The following PTP4A2 variants were observed in gnomAD, a reference collection of about 807,000 sequenced individuals.
PTP4A2 encodes protein tyrosine phosphatase 4A2.
A neutral mutation model predicts 22.9 loss-of-function variants in PTP4A2; 2 were observed. The ratio of observed to expected loss-of-function variants is 0.09; its 90% CI spans 0.04 to 0.27. The LOEUF (loss-of-function observed/expected upper bound fraction) is 0.27, where lower values mean the gene tolerates loss of function less well. Ranked by LOEUF, PTP4A2 falls within the 10% of genes least tolerant of loss-of-function variation. The pLI, the probability that PTP4A2 is intolerant of heterozygous loss-of-function variation, is 1.00. For missense variants in PTP4A2, 103 were observed against 205.1 expected, an observed-to-expected ratio of 0.50 and a Z score of 3.04; for synonymous variants, 68 against 69.1, an observed-to-expected ratio of 0.98 and a Z score of 0.08.
At chr1:31,927,716 T>A (rs557027031) in intron 1 of PTP4A2, among the ~76,000 whole-genome samples, 1 of 152,170 alleles carries the variant, frequency 6.6e-6, no homozygotes, top group African/African-American at 2.4e-5. Flanking sequence ...GTGGGATTTG[T>A]CCACAGACTG....
chr1:31,934,956 A>G (rs749732866), intron 1 of PTP4A2, among the ~76,000 whole-genome samples: 6 of 152,214 alleles, frequency 3.9e-5, no homozygotes, highest in Non-Finnish European at 5.9e-5. Context: ...GGTGTTCTAA[A>G]ATGCCAGCCT....
intron 1 of PTP4A2, among the ~76,000 whole-genome samples, chr1:31,924,977 C>T (rs1488989253): frequency 1.3e-5 from 2 of 152,096 alleles, no homozygotes; most frequent in Non-Finnish European, 2.9e-5. Context: ...AGCTAAAAGA[C>T]ACTAATAAGT....
chr1:31,914,381 T>A (rs1394359812), intron 3 of PTP4A2: 3 of 406,706 alleles, frequency 7.4e-6, no homozygotes, highest in Admixed American at 2.9e-5. Context: ...CACATTTTTT[T>A]AAAACACATT....
At chr1:31,925,614 G>C (rs1246206017) in intron 1 of PTP4A2, among the ~76,000 whole-genome samples, 1 of 151,746 alleles carries the variant, frequency 6.6e-6, no homozygotes, top group Non-Finnish European at 1.5e-5. Context: ...AAAAAAATTA[G>C]TCGGGTGTGG....
At chr1:31,911,947 C>G in intron 3 of PTP4A2, 121 bp from the exon 4 acceptor site, 1 of 533,970 alleles carries the variant, frequency 1.9e-6, no homozygotes, top group South Asian at 4.7e-5. Flanking sequence ...CTATATATAC[C>G]TATTGTTAAC....
chr1:31,927,958 G>A (rs1652542553), intron 1 of PTP4A2, among the ~76,000 whole-genome samples: 1 of 151,860 alleles, frequency 6.6e-6, no homozygotes, highest in South Asian at 2.1e-4. Context: ...AATTAGTAAA[G>A]CGTTTAATTA....
At chr1:31,920,351 G>A (rs1364645868) in intron 1 of PTP4A2, among the ~76,000 whole-genome samples, 3 of 151,416 alleles carry the variant, frequency 2.0e-5, no homozygotes, top group African/African-American at 4.8e-5. Context: ...GCTGAGGCAG[G>A]AGAATTGCTT....
chr1:31,908,990 A>G (rs1651388962), intron 5 of PTP4A2, 30 bp from the exon 6 acceptor site: 2 of 1,511,550 alleles, frequency 1.3e-6, no homozygotes, highest in African/African-American at 1.4e-5. Flanking sequence ...AAACTTTATC[A>G]TGTAAAAAAA....
At chr1:31,937,878 T>G in intron 1 of PTP4A2, 109 bp downstream of exon 1, 1 of 141,748 alleles carries the variant, frequency 7.1e-6, no homozygotes, top group East Asian at 2.4e-4. Context: ...CGGCCCTCCT[T>G]CCGGGGACGT....
At chr1:31,926,679 T>C (rs1652480739) in intron 1 of PTP4A2, among the ~76,000 whole-genome samples, 2 of 152,322 alleles carry the variant, frequency 1.3e-5, no homozygotes, top group South Asian at 2.1e-4. Flanking sequence ...ACATGTACTA[T>C]GGGTCACATA....
Position 31,906,520 on chromosome 1 carries a change from C to CA in PTP4A2, c.*2331dup, listed in dbSNP as rs1460643916. The CA allele has an allele frequency of 3.9e-5, 6 of 151,964 alleles. No homozygotes were observed. Among genetic ancestry groups the CA allele is most frequent in the African/African-American group, 1.2e-4 (5 of 41,364 alleles). 9.4% of individuals were successfully genotyped at this position (151,964 alleles called of 1,614,324 possible). A position where few individuals can be genotyped will look rare whatever the true frequency, so the allele number is the denominator to read the frequency against. On this transcript the variant is annotated 3_prime_UTR_variant, in exon 6 of 6. Transcript: ENST00000647444. ...AAATCAATCTGACATCTCTCTATGTCAAACTGGCTTCAGCTAGCAATACTT... is the reference window on the plus strand; with the variant it reads ...AAATCAATCTGACATCTCTCTATGTCAAAACTGGCTTCAGCTAGCAATACTT...
At chr1:31,923,329 CT>C (rs894382854) in intron 1 of PTP4A2, among the ~76,000 whole-genome samples, 377 of 113,956 alleles carry the variant, frequency 3.3e-3, no homozygotes, top group African/African-American at 8.2e-3. Flanking sequence ...GCCTCAACCT[CT>C]TTTTTTTTTT....
chr1:31,934,494 A>G (rs1017673217), intron 1 of PTP4A2, among the ~76,000 whole-genome samples: 3 of 152,206 alleles, frequency 2.0e-5, no homozygotes, highest in African/African-American at 7.2e-5. Context: ...TCTAGGCTTC[A>G]GTGGTTACCA....
At chr1:31,920,126 CAAAAAAAAA>C (rs772173962) in intron 1 of PTP4A2, among the ~76,000 whole-genome samples, 7 of 43,180 alleles carry the variant, frequency 1.6e-4, no homozygotes, top group East Asian at 6.8e-4. Context: ...AACTCTGCCT[CAAAAAAAAA>C]AAAAAAAAAA....
intron 3 of PTP4A2, chr1:31,913,742 T>C (rs532135452): frequency 1.2e-4 from 55 of 452,838 alleles, no homozygotes; most frequent in Non-Finnish European, 2.4e-4. Context: ...TTCCTCAAAC[T>C]AGTTCAAGTT....
In PTP4A2 at chr1:31,937,252, T is replaced by C. The variant is rs116361738; in HGVS notation, c.-594+735A>G. On this transcript the variant is annotated intron_variant, in intron 1 of 5. Transcript: ENST00000647444. Reference sequence around the variant, plus strand: ...TATAGAACAACAACAAAAAAACACATCACATCCTTTCTGGGGGAAAAAAAT... The same window carrying C: ...TATAGAACAACAACAAAAAAACACACCACATCCTTTCTGGGGGAAAAAAAT... 4.4e-3 allele frequency among the ~76,000 whole-genome samples: 671 copies of C among 151,882 alleles called. 3 individuals are homozygous for C. Among genetic ancestry groups the C allele is most frequent in the African/African-American group, 0.015 (628 of 41,378 alleles).
rs1445096729 is a variant in PTP4A2 at position 31,907,223 on chromosome 1, G to A, written c.*1629C>T. On this transcript the variant is annotated 3_prime_UTR_variant, in exon 6 of 6. Transcript: ENST00000647444. ...TGGCTCTGCACAGCAAATTCCAGCA[G>A]GACAAGATGACTTTAAGCCCGTATT... The A allele has an allele frequency of 6.6e-6, 1 of 152,194 alleles. No individual in the cohort carries two copies. The highest frequency in any genetic ancestry group is 1.5e-5 in the Non-Finnish European group (1 of 68,052). 9.4% of individuals were successfully genotyped at this position (152,194 alleles called of 1,614,324 possible).
Position 31,908,940 on chromosome 1 carries a change from T to C in PTP4A2, c.416A>G (p.Asn139Ser). 6.2e-7 allele frequency: 1 copy of C among 1,613,762 alleles called. No homozygotes were observed. Among genetic ancestry groups the C allele is most frequent in the Non-Finnish European group, 8.5e-7 (1 of 1,179,688 alleles). ...FIRQKRRGAFNSKQLLYLEKY... is the reference protein window; with the variant it reads ...FIRQKRRGAFSSKQLLYLEKY... ...CTCCAAATAAAGCAGCTGTTTGGAA[T>C]TGAACGCTCCCCTTCTTTTTCTGAA... The change falls in exon 6 of 6, where the codon AAT becomes AGT. Residue 139 changes from asparagine to serine, a missense_variant. Asn to Ser is a conservative substitution (Grantham distance 46). Transcript: ENST00000647444.
chr1:31,932,122 T>C (rs1245286380), intron 1 of PTP4A2, among the ~76,000 whole-genome samples: 2 of 152,154 alleles, frequency 1.3e-5, no homozygotes. Flanking sequence ...TGTCAAACAA[T>C]ACATTAGTTA....
Sources: allele counts gnomAD v4.1 joint callset (sites outside exome capture counted in the v4.1 genomes callset), GRCh38; gene constraint gnomAD v4.1.1; transcripts MANE v1.5; gene names NCBI Gene and HGNC (gene_info 2026-07-23, HGNC 2026-07-21).